ATG7: variants seen among roughly 807,000 people sequenced by gnomAD.
ATG7 encodes autophagy related 7, also known as ubiquitin-like modifier-activating enzyme ATG7.
A neutral mutation model predicts 82.4 loss-of-function variants in ATG7; 70 were observed. The observed-to-expected ratio is 0.85, with a 90% CI of 0.70 to 1.04. The LOEUF (loss-of-function observed/expected upper bound fraction) is 1.04, where lower values mean the gene tolerates loss of function less well. Ranked by LOEUF, ATG7 falls within the 50% of genes least tolerant of loss-of-function variation. The probability of loss-of-function intolerance (pLI) is 0.00; values close to 1 mark genes in which losing one functional copy is unlikely to be tolerated. For synonymous variants in ATG7, 287 were observed against 313.0 expected (o/e 0.92, Z 0.88); for missense variants, 792 against 864.3 (o/e 0.92, Z 1.05).
intron 20 of ATG7, among the ~76,000 whole-genome samples, chr3:11,539,822 G>A (rs1303399694): frequency 2.6e-5 from 4 of 152,200 alleles, no homozygotes; most frequent in East Asian, 3.8e-4. Flanking sequence ...ACAGTTCGGC[G>A]ACATCGAGCA....
At chr3:11,437,649 A>G (rs2083481239) in intron 20 of ATG7, among the ~76,000 whole-genome samples, 1 of 152,172 alleles carries the variant, frequency 6.6e-6, no homozygotes, top group African/African-American at 2.4e-5. Flanking sequence ...GAATACCCAC[A>G]TACTCCTACC....
At chr3:11,416,017 G>A (rs557584668) in intron 19 of ATG7, among the ~76,000 whole-genome samples, 50 of 152,110 alleles carry the variant, frequency 3.3e-4, no homozygotes, top group African/African-American at 1.2e-3. Context: ...GGAATTTTTC[G>A]GCTCCATTAT....
At chr3:11,558,776 C>T (rs1215813705), downstream of ATG7, 6 of 1,614,006 alleles carry the variant, frequency 3.7e-6, no homozygotes, top group Non-Finnish European at 5.1e-6. Flanking sequence ...GTAATTCTTG[C>T]CCAGGCTCCT....
chr3:11,517,791 C>T lies in ATG7; in HGVS notation c.2080-37020C>T, dbSNP rs139131283. Among the ~76,000 whole-genome samples, 102 of 152,342 alleles carry T rather than the reference C, an allele frequency of 6.7e-4. 1 individual carries two copies. Among genetic ancestry groups the T allele is most frequent in the African/African-American group, 1.9e-3 (81 of 41,582 alleles). Reference sequence around the variant, plus strand: ...GTGGCTCAGCAGAGCTGGAGAGAGTCGGGCAATTGAGTTGAAGCACAGGCT... The same window carrying T: ...GTGGCTCAGCAGAGCTGGAGAGAGTTGGGCAATTGAGTTGAAGCACAGGCT... On this transcript the variant is annotated intron_variant, in intron 20 of 20. Coordinates refer to ENST00000693202, the MANE Select transcript of ATG7 (RefSeq NM_001349232.2).
intron 20 of ATG7, among the ~76,000 whole-genome samples, chr3:11,462,841 TTTTATTTATTTATTTA>T (rs200412655): frequency 0.015 from 2,000 of 135,436 alleles, 21 homozygotes; most frequent in South Asian, 0.026. Context: ...TCTCAGATAT[TTTTATTTATTTATTTA>T]TTTATTTATT....
intron 20 of ATG7, among the ~76,000 whole-genome samples, chr3:11,511,501 T>C (rs1046859990): frequency 1.3e-5 from 2 of 152,176 alleles, no homozygotes; most frequent in African/African-American, 2.4e-5. Flanking sequence ...ACTCTCCATG[T>C]CCCCACCAGA....
chr3:11,451,412 A>T (rs1369513011), intron 20 of ATG7, among the ~76,000 whole-genome samples: 1 of 152,088 alleles, frequency 6.6e-6, no homozygotes, highest in East Asian at 1.9e-4. Flanking sequence ...GGGTTTTACC[A>T]TGTTGGCTAG....
At chr3:11,563,615 T>TG in the ATG7 span, among the ~76,000 whole-genome samples, 6 of 152,170 alleles carry the variant, frequency 3.9e-5, no homozygotes, top group African/African-American at 1.4e-4. Flanking sequence ...AACGTTGAAA[T>TG]GAACAGCAGT....
intron 3 of ATG7, among the ~76,000 whole-genome samples, chr3:11,293,570 G>A (rs1460155736): frequency 2.0e-5 from 3 of 150,750 alleles, no homozygotes; most frequent in South Asian, 2.1e-4. Flanking sequence ...ATGACTGGCC[G>A]GGCGGGGTGG....
chr3:11,396,551 C>T (rs971369768), intron 19 of ATG7, among the ~76,000 whole-genome samples: 13 of 151,918 alleles, frequency 8.6e-5, no homozygotes, highest in East Asian at 7.7e-4. Context: ...CCGAGGTGGG[C>T]GGATCACTCG....
At chr3:11,544,222 G>A (rs953379067) in intron 20 of ATG7, among the ~76,000 whole-genome samples, 2 of 152,180 alleles carry the variant, frequency 1.3e-5, no homozygotes, top group African/African-American at 2.4e-5. Flanking sequence ...ATGGGGCTCC[G>A]GGCAGGAATC....
chr3:11,510,296 A>G, intron 20 of ATG7: 1 of 456,592 alleles, frequency 2.2e-6, no homozygotes, highest in South Asian at 1.5e-5. Context: ...GCTCTCAAGC[A>G]GAACAATTCC....
chr3:11,524,644 G>A (rs928338257), intron 20 of ATG7, among the ~76,000 whole-genome samples: 2 of 152,008 alleles, frequency 1.3e-5, no homozygotes, highest in African/African-American at 2.4e-5. Context: ...TGCATTAGTC[G>A]AGAATGGTAG....
intron 20 of ATG7, among the ~76,000 whole-genome samples, chr3:11,435,943 G>C (rs1160481102): frequency 6.6e-6 from 1 of 152,108 alleles, no homozygotes; most frequent in Non-Finnish European, 1.5e-5. Context: ...AGAATATAGA[G>C]GGAACTCTAA....
At chr3:11,520,050 G>A (rs542818851) in intron 20 of ATG7, among the ~76,000 whole-genome samples, 44 of 152,064 alleles carry the variant, frequency 2.9e-4, no homozygotes, top group Admixed American at 2.4e-3. Flanking sequence ...GAGAGATCCC[G>A]TCCCATCCCC....
chr3:11,320,445 A>C (rs1303027972), intron 9 of ATG7, among the ~76,000 whole-genome samples: 1 of 151,304 alleles, frequency 6.6e-6, no homozygotes, highest in Non-Finnish European at 1.5e-5. Flanking sequence ...ACGCCACCAC[A>C]CCTGGCTAAT....
intron 20 of ATG7, among the ~76,000 whole-genome samples, chr3:11,509,537 C>G (rs941152397): frequency 6.6e-6 from 1 of 152,028 alleles, no homozygotes; most frequent in Non-Finnish European, 1.5e-5. Context: ...ATTTTATGAG[C>G]GTTTATAATG....
At chr3:11,561,176 T>C (rs1299064659), downstream of ATG7, among the ~76,000 whole-genome samples, 1 of 152,108 alleles carries the variant, frequency 6.6e-6, no homozygotes, top group Non-Finnish European at 1.5e-5. Flanking sequence ...TCAGCCGGCT[T>C]GTTCTTTGCA....
At position 11,358,460 on chromosome 3, in the gene ATG7, C is replaced by T. The variant is rs1183120914; in HGVS notation, c.1327C>T (p.Pro443Ser). The T allele has an allele frequency of 1.1e-5, 17 of 1,613,992 alleles. No homozygotes were observed. Among genetic ancestry groups the T allele is most frequent in the Admixed American group, 1.7e-5 (1 of 60,010 alleles). The change falls in exon 15 of 21, where the codon CCA becomes TCA. Residue 443 changes from proline to serine, a missense_variant. Pro to Ser is a moderately conservative substitution (Grantham distance 74). Transcript: ENST00000693202. ...CATGAGCATACCTATGCCTGGGCAT[C>T]CAGTGAACTTCTCCAGTGTCACTCT... The part of the protein sequence containing the change: ...FNMSIPMPGH[P>S]VNFSSVTLEQ...
Sources: allele counts gnomAD v4.1 joint callset (sites outside exome capture counted in the v4.1 genomes callset), GRCh38; gene constraint gnomAD v4.1.1; transcripts MANE v1.5; gene names NCBI Gene and HGNC (gene_info 2026-07-23, HGNC 2026-07-21).